VAPA: variants seen among roughly 807,000 people sequenced by gnomAD.
VAPA encodes vesicle-associated membrane protein-associated protein A.
A neutral mutation model predicts 25.6 loss-of-function variants in VAPA; 6 were observed. The ratio of observed to expected loss-of-function variants is 0.23; its 90% CI spans 0.13 to 0.46. VAPA has a LOEUF of 0.46. Ranked by LOEUF, VAPA falls within the 20% of genes least tolerant of loss-of-function variation. VAPA has a pLI of 0.99. For missense variants in VAPA, 244 were observed against 302.1 expected, an observed-to-expected ratio of 0.81 and a Z score of 1.43; for synonymous variants, 112 against 106.2, an observed-to-expected ratio of 1.05 and a Z score of -0.34.
At chr18:9,928,986 A>G (rs991524312) in intron 1 of VAPA, among the ~76,000 whole-genome samples, 1 of 152,206 alleles carries the variant, frequency 6.6e-6, no homozygotes, top group Non-Finnish European at 1.5e-5. Flanking sequence ...TCATGTGAAT[A>G]TAGGTAGATT....
At chr18:9,939,117 A>T (rs1308488694) in intron 4 of VAPA, among the ~76,000 whole-genome samples, 2 of 151,074 alleles carry the variant, frequency 1.3e-5, no homozygotes, top group Admixed American at 6.6e-5. Flanking sequence ...TGTCATTAAA[A>T]TTTTTTTTTC....
chr18:9,947,537 A>G (rs1213295624), intron 4 of VAPA: 1 of 152,228 alleles, frequency 6.6e-6, no homozygotes, highest in African/African-American at 2.4e-5. Context: ...TGGAAACTGG[A>G]CAAGATTGGT....
At chr18:9,946,241 A>C (rs2069422183) in intron 4 of VAPA, among the ~76,000 whole-genome samples, 1 of 152,224 alleles carries the variant, frequency 6.6e-6, no homozygotes, top group Admixed American at 6.5e-5. Flanking sequence ...TTGTATAAAC[A>C]TCATAGAGTG....
In VAPA at chr18:9,955,951, T is replaced by G. The variant is rs2069545294; in HGVS notation, c.*1740T>G. ...AGCATGCTAAAAATAGTCTTATATT[T>G]TCACCCCATAAATGCAGAATCAGTA... is the stretch of plus-strand genomic sequence containing the variant. On this transcript the variant is annotated 3_prime_UTR_variant, in exon 6 of 6. Coordinates refer to ENST00000400000, the MANE Select transcript of VAPA (RefSeq NM_194434.3). 1 of 152,220 alleles carries G rather than the reference T, an allele frequency of 6.6e-6. No individual in the cohort carries two copies. Among genetic ancestry groups the G allele is most frequent in the African/African-American group, 2.4e-5 (1 of 41,458 alleles). 9.4% of individuals were successfully genotyped at this position (152,220 alleles called of 1,614,324 possible).
At chr18:9,914,548 C>A (rs2069094277) in intron 1 of VAPA, 3 of 254,740 alleles carry the variant, frequency 1.2e-5, no homozygotes, top group Non-Finnish European at 2.2e-5. Flanking sequence ...CGCCCGCCCT[C>A]GCTGCGGTGC....
rs2069088567 is a variant in VAPA at position 9,914,189 on chromosome 18, C to T, written c.-68C>T. ...TAGAGCTCGGCCGAGCCGTCGCCGC[C>T]GTCGTCCCCCGCCCCCAGTCAGCAA... On this transcript the variant is annotated 5_prime_UTR_variant, in exon 1 of 6. Coordinates refer to ENST00000400000, the MANE Select transcript of VAPA (RefSeq NM_194434.3). 2.1e-6 allele frequency: 3 copies of T among 1,425,554 alleles called. No individual in the cohort carries two copies. Among genetic ancestry groups the T allele is most frequent in the Non-Finnish European group, 2.9e-6 (3 of 1,051,172 alleles). 88.3% of individuals were successfully genotyped at this position (1,425,554 alleles called of 1,614,324 possible). A position where few individuals can be genotyped will look rare whatever the true frequency, so the allele number is the denominator to read the frequency against.
intron 4 of VAPA, among the ~76,000 whole-genome samples, chr18:9,946,954 A>C (rs989941615): frequency 3.3e-5 from 5 of 152,216 alleles, no homozygotes; most frequent in African/African-American, 1.2e-4. Context: ...ATTTTTAAAA[A>C]AACTTCTTTT....
rs563850568 is a variant in VAPA at position 9,916,396 on chromosome 18, C to T, written c.79+2061C>T. On this transcript the variant is annotated intron_variant, in intron 1 of 5. Transcript: ENST00000400000. ...GTGTCTGAGGAAAGAAGCCCTTTCT[C>T]TATGTGCCCCATCCCTCCCTTAGGA... is the stretch of plus-strand genomic sequence containing the variant. Among the ~76,000 whole-genome samples the T allele has an allele frequency of 3.9e-5, 6 of 152,276 alleles. No homozygotes were observed. In the East Asian group the frequency reaches 9.6e-4, roughly 24 times the overall value.
At chr18:9,925,828 C>A (rs951207679) in intron 1 of VAPA, among the ~76,000 whole-genome samples, 14 of 152,054 alleles carry the variant, frequency 9.2e-5, no homozygotes, top group African/African-American at 2.9e-4. Context: ...ATTTAAAAAT[C>A]TTTTTCATAT....
At chr18:9,951,743 GATT>G (rs1450276452) in intron 5 of VAPA, among the ~76,000 whole-genome samples, 6 of 152,162 alleles carry the variant, frequency 3.9e-5, no homozygotes, top group Non-Finnish European at 8.8e-5. Context: ...GGAGTTATTT[GATT>G]ATTCCTTTTG....
Position 9,955,966 on chromosome 18 carries a change from C to T in VAPA, c.*1755C>T, listed in dbSNP as rs1389218862. The T allele has an allele frequency of 6.6e-6, 1 of 152,156 alleles. No individual in the cohort carries two copies. The highest frequency in any genetic ancestry group is 6.5e-5 in the Admixed American group (1 of 15,276). The allele number at this position is 152,156 out of a possible 1,614,324, so 9.4% of individuals were successfully genotyped here. On this transcript the variant is annotated 3_prime_UTR_variant, in exon 6 of 6. Coordinates refer to ENST00000400000, the MANE Select transcript of VAPA (RefSeq NM_194434.3). Reference sequence around the variant, plus strand: ...GTCTTATATTTTCACCCCATAAATGCAGAATCAGTAATTCCTTGGCTTAAA... The same window carrying T: ...GTCTTATATTTTCACCCCATAAATGTAGAATCAGTAATTCCTTGGCTTAAA...
chr18:9,954,284 T>G lies in VAPA; in HGVS notation c.*73T>G. 7.1e-7 allele frequency: 1 copy of G among 1,414,636 alleles called. No individual in the cohort carries two copies. The highest frequency in any genetic ancestry group is 1.4e-5 in the African/African-American group (1 of 69,564). The allele number at this position is 1,414,636 out of a possible 1,614,324, so 87.6% of individuals were successfully genotyped here. ...AGAAAAAGATTTGTTTACCTACCAT[T>G]TCATTGGTAGTATGGCCCACGGTGA... On this transcript the variant is annotated 3_prime_UTR_variant, in exon 6 of 6. Transcript: ENST00000400000.
rs1400289739 is a variant in VAPA, at chr18:9,955,269, A to G, written c.*1058A>G. 2 of 152,188 alleles carry G rather than the reference A, an allele frequency of 1.3e-5. No individual in the cohort carries two copies. Among genetic ancestry groups the G allele is most frequent in the East Asian group, 1.9e-4 (1 of 5,200 alleles). The allele number at this position is 152,188 out of a possible 1,614,324, so 9.4% of individuals were successfully genotyped here. ...AAAGTAGGTGTTTTTTTCGTGCTCA[A>G]TTTGGCACTCAAAATAATGTTCATT... On this transcript the variant is annotated 3_prime_UTR_variant, in exon 6 of 6. Coordinates refer to ENST00000400000, the MANE Select transcript of VAPA (RefSeq NM_194434.3).
chr18:9,940,518 A>G (rs772931931), intron 4 of VAPA, among the ~76,000 whole-genome samples: 4 of 152,220 alleles, frequency 2.6e-5, no homozygotes, highest in Non-Finnish European at 5.9e-5. Context: ...TTCAAATGGT[A>G]AAATTTTAAT....
intron 1 of VAPA, chr18:9,915,806 T>A (rs1421838666): frequency 3.9e-5 from 6 of 152,224 alleles, no homozygotes; most frequent in East Asian, 1.9e-4. Flanking sequence ...GAAGTGTAAG[T>A]GAGCTACTTG....
At chr18:9,917,680 A>G (rs557298800) in intron 1 of VAPA, among the ~76,000 whole-genome samples, 2 of 152,348 alleles carry the variant, frequency 1.3e-5, no homozygotes, top group East Asian at 3.8e-4. Context: ...GACGAAAATA[A>G]ACCAAAATCC....
At chr18:9,927,913 GAAC>G (rs1346995342) in intron 1 of VAPA, among the ~76,000 whole-genome samples, 1 of 152,048 alleles carries the variant, frequency 6.6e-6, no homozygotes, top group Non-Finnish European at 1.5e-5. Context: ...GGCTTCCAAA[GAAC>G]AACAGCCACA....
At chr18:9,914,889 C>G (rs913716499) in intron 1 of VAPA, 10 of 152,242 alleles carry the variant, frequency 6.6e-5, no homozygotes. Context: ...CCCCCGACCC[C>G]TGCCCCGGCC....
rs951307288 is a variant in VAPA at position 9,956,524 on chromosome 18, A to T, written c.*2313A>T. 1 of 152,614 alleles carries T rather than the reference A, an allele frequency of 6.6e-6. No homozygotes were observed. Among genetic ancestry groups the T allele is most frequent in the Non-Finnish European group, 1.5e-5 (1 of 68,042 alleles). The allele number at this position is 152,614 out of a possible 1,614,324, so 9.5% of individuals were successfully genotyped here. A position where few individuals can be genotyped will look rare whatever the true frequency, so the allele number is the denominator to read the frequency against. On this transcript the variant is annotated 3_prime_UTR_variant, in exon 6 of 6. Transcript: ENST00000400000. ...TTTTGAGATAGATTGTAGTCTGGGT[A>T]GCATCTTTAAAATGTATGTGGGCTT...
Sources: gnomAD v4.1 joint callset for allele counts (sites outside exome capture counted in the v4.1 genomes callset) on GRCh38, gnomAD v4.1.1 for gene constraint, MANE v1.5 for transcripts, NCBI Gene and HGNC (gene_info 2026-07-23, HGNC 2026-07-21) for gene names.